The following TENT2 variants were observed in gnomAD, a reference collection of about 807,000 sequenced individuals.
TENT2 encodes poly(A) RNA polymerase GLD2.
A neutral mutation model predicts 72.2 loss-of-function variants in TENT2; 44 were observed. The observed-to-expected ratio is 0.61, with a 90% CI of 0.48 to 0.78. The LOEUF is 0.78. TENT2 is among the 30% of genes least tolerant of loss of function. The probability of loss-of-function intolerance (pLI) is 0.00; values close to 1 mark genes in which losing one functional copy is unlikely to be tolerated. For synonymous variants in TENT2, 212 were observed against 192.5 expected, an observed-to-expected ratio of 1.10 and a Z score of -0.84; for missense variants, 541 against 569.6, an observed-to-expected ratio of 0.95 and a Z score of 0.51.
intron 4 of TENT2, among the ~76,000 whole-genome samples, chr5:79,633,882 A>G (rs1474684094): frequency 6.6e-6 from 1 of 150,988 alleles, no homozygotes; most frequent in Non-Finnish European, 1.5e-5. Context: ...GGCTGGGTGC[A>G]GTGGCTCACG....
At chr5:79,615,788 C>T (rs549641400) in intron 1 of TENT2, among the ~76,000 whole-genome samples, 8 of 151,648 alleles carry the variant, frequency 5.3e-5, no homozygotes, top group African/African-American at 1.9e-4. Context: ...CCTCGGCTCA[C>T]TCCAACCTCC....
At chr5:79,655,883 T>C (rs1031960776) in intron 10 of TENT2, among the ~76,000 whole-genome samples, 5 of 151,886 alleles carry the variant, frequency 3.3e-5, no homozygotes, top group African/African-American at 1.2e-4. Context: ...GCATCCTACT[T>C]TGTACTGCGT....
At chr5:79,626,066 A>T (rs1019398635) in intron 4 of TENT2, among the ~76,000 whole-genome samples, 1 of 151,822 alleles carries the variant, frequency 6.6e-6, no homozygotes, top group African/African-American at 2.4e-5. Flanking sequence ...TGACCTCGTG[A>T]TCTACCCACT....
At chr5:79,636,327 T>TG (rs1780111695) in intron 4 of TENT2, among the ~76,000 whole-genome samples, 1 of 152,246 alleles carries the variant, frequency 6.6e-6, no homozygotes, top group South Asian at 2.1e-4. Context: ...TAACAACATA[T>TG]GACTAATCTT....
At chr5:79,660,650 C>T (rs77212749) in intron 11 of TENT2, among the ~76,000 whole-genome samples, 124 of 152,200 alleles carry the variant, frequency 8.1e-4, no homozygotes, top group African/African-American at 2.7e-3. Context: ...TAATGACAGA[C>T]CACATACATG....
intron 4 of TENT2, among the ~76,000 whole-genome samples, chr5:79,635,835 C>T (rs1339755667): frequency 6.6e-6 from 1 of 152,110 alleles, no homozygotes; most frequent in Non-Finnish European, 1.5e-5. Context: ...GGATTACAGG[C>T]GTGAGCTACC....
At chr5:79,668,256 G>C (rs1159369622) in intron 11 of TENT2, among the ~76,000 whole-genome samples, 1 of 151,976 alleles carries the variant, frequency 6.6e-6, no homozygotes, top group Non-Finnish European at 1.5e-5. Flanking sequence ...TATGGTAAAA[G>C]CTTGCTGAAT....
chr5:79,645,283 G>A, intron 8 of TENT2, 91 bp downstream of exon 8: 3 of 977,926 alleles, frequency 3.1e-6, no homozygotes, highest in Non-Finnish European at 3.0e-6. Flanking sequence ...GTATGTTGTA[G>A]CATTACAGTT....
intron 4 of TENT2, among the ~76,000 whole-genome samples, chr5:79,632,962 A>C (rs7707820): frequency 0.2 from 30,871 of 152,118 alleles, 4,627 homozygotes; most frequent in African/African-American, 0.42. Flanking sequence ...GAAAACAATC[A>C]GTAATCCAAA....
intron 14 of TENT2, among the ~76,000 whole-genome samples, chr5:79,682,903 A>G (rs375658511): frequency 1.5e-3 from 226 of 152,286 alleles, no homozygotes; most frequent in African/African-American, 5.1e-3. Flanking sequence ...GCCTTGATAT[A>G]TGTATTGAGA....
intron 11 of TENT2, among the ~76,000 whole-genome samples, chr5:79,666,689 C>G (rs911988127): frequency 6.6e-6 from 1 of 152,006 alleles, no homozygotes. Context: ...ACCTAAATTT[C>G]TTTCTGTTTG....
chr5:79,683,178 G>C (rs1177215270), intron 14 of TENT2, among the ~76,000 whole-genome samples: 2 of 152,064 alleles, frequency 1.3e-5, no homozygotes, highest in East Asian at 3.9e-4. Context: ...TAATGGCCAG[G>C]TGCAATGGTT....
rs760726934 is a variant in TENT2, at chr5:79,649,105, G to A, written c.942G>A (p.Trp314Ter). ...VRPLVLVIKK[W>*]ASHHQINDAS... is the part of the protein sequence containing the mutation. ...CGTTAGTGCTGGTGATTAAGAAGTGGGCAAGTCACCATCAGATAAATGATG... is the reference window on the plus strand; with the variant it reads ...CGTTAGTGCTGGTGATTAAGAAGTGAGCAAGTCACCATCAGATAAATGATG... The change falls in exon 10 of 15, where the codon TGG (tryptophan) becomes TGA (stop). Residue 314 changes from tryptophan to a stop codon, truncating the protein, a stop_gained. Coordinates refer to ENST00000453514, the MANE Select transcript of TENT2 (RefSeq NM_001114394.3). LOFTEE classifies it high-confidence loss of function. 3.1e-6 allele frequency: 5 copies of A among 1,613,160 alleles called. No individual in the cohort carries two copies. In the South Asian group the frequency reaches 5.5e-5, roughly 18 times the overall value.
intron 4 of TENT2, among the ~76,000 whole-genome samples, chr5:79,631,328 A>G (rs1462471225): frequency 1.3e-5 from 2 of 152,178 alleles, no homozygotes; most frequent in Non-Finnish European, 2.9e-5. Context: ...GACAGAATAG[A>G]ATGGAAGAGG....
chr5:79,644,895 T>C, intron 7 of TENT2: 1 of 418,620 alleles, frequency 2.4e-6, no homozygotes, highest in Non-Finnish European at 4.3e-6. Context: ...ATAGATACTA[T>C]ATTAGATCAC....
chr5:79,645,056 A>G (rs1289800647), intron 7 of TENT2, 67 bp from the exon 8 acceptor site: 14 of 1,273,900 alleles, frequency 1.1e-5, no homozygotes, highest in African/African-American at 1.6e-5. Context: ...TTTTTAAAAA[A>G]TGTGCGTTGG....
At chr5:79,649,637 G>A (rs1279365790) in intron 10 of TENT2, among the ~76,000 whole-genome samples, 3 of 152,044 alleles carry the variant, frequency 2.0e-5, no homozygotes, top group African/African-American at 7.2e-5. Context: ...TCATAGGGCT[G>A]TTTTATCAGA....
chr5:79,630,050 G>A (rs1580272441), intron 4 of TENT2, among the ~76,000 whole-genome samples: 1 of 152,308 alleles, frequency 6.6e-6, no homozygotes, highest in African/African-American at 2.4e-5. Flanking sequence ...CGGGAGAATT[G>A]CTTGAACTTG....
At chr5:79,659,558 A>ATATATATATG (rs1800879207) in intron 11 of TENT2, among the ~76,000 whole-genome samples, 1 of 52,294 alleles carries the variant, frequency 1.9e-5, no homozygotes, top group East Asian at 5.9e-4. Flanking sequence ...AAAAAAATGT[A>ATATATATATG]TATATATATA....
Sources: gnomAD v4.1 joint callset for allele counts (sites outside exome capture counted in the v4.1 genomes callset) on GRCh38, gnomAD v4.1.1 for gene constraint, MANE v1.5 for transcripts, NCBI Gene and HGNC (gene_info 2026-07-23, HGNC 2026-07-21) for gene names.